Variants in ZNF536 observed in about 807,000 individuals in gnomAD.
The protein encoded by ZNF536 is zinc finger protein 536.
ZNF536 carries 13 observed loss-of-function variants against 84.5 expected under a neutral mutation model. The ratio of observed to expected loss-of-function variants is 0.15; its 90% CI spans 0.10 to 0.24. ZNF536 has a LOEUF of 0.24. Ranked by LOEUF, ZNF536 falls within the 10% of genes least tolerant of loss-of-function variation. The pLI, the probability that ZNF536 is intolerant of heterozygous loss-of-function variation, is 1.00. For synonymous variants in ZNF536, 811 were observed against 742.5 expected (o/e 1.09, Z -1.50); for missense variants, 1,536 against 1,747.5 (o/e 0.88, Z 2.16).
At chr19:30,277,003 A>T (rs538093510) in intron 1 of ZNF536, among the ~76,000 whole-genome samples, 1 of 152,302 alleles carries the variant, frequency 6.6e-6, no homozygotes, top group African/African-American at 2.4e-5. Flanking sequence ...ATGATTAAAA[A>T]TTGATTTTGT....
At chr19:30,308,620 C>T (rs2046409445) in intron 2 of ZNF536, among the ~76,000 whole-genome samples, 1 of 152,020 alleles carries the variant, frequency 6.6e-6, no homozygotes, top group Admixed American at 6.6e-5. Flanking sequence ...TCCTGTAGCC[C>T]ATAGACAGCT....
intron 1 of ZNF536, among the ~76,000 whole-genome samples, chr19:30,608,666 G>A (rs1488601957): frequency 6.6e-6 from 1 of 152,178 alleles, no homozygotes; most frequent in East Asian, 1.9e-4. Flanking sequence ...AAGGAACTGG[G>A]CCCCAGCAGC....
intron 1 of ZNF536, among the ~76,000 whole-genome samples, chr19:30,681,818 C>G (rs1166025042): frequency 2.0e-5 from 3 of 152,186 alleles, no homozygotes; most frequent in Non-Finnish European, 4.4e-5. Flanking sequence ...AGCCCCCCTT[C>G]CCCAATGACA....
At chr19:30,641,449 T>C (rs2049263328) in intron 1 of ZNF536, among the ~76,000 whole-genome samples, 1 of 152,228 alleles carries the variant, frequency 6.6e-6, no homozygotes, top group African/African-American at 2.4e-5. Context: ...ATATGTGTAG[T>C]ATGAAATTTT....
intron 1 of ZNF536, among the ~76,000 whole-genome samples, chr19:30,421,692 G>A (rs1008826762): frequency 6.6e-6 from 1 of 152,072 alleles, no homozygotes; most frequent in African/African-American, 2.4e-5. Context: ...GGAGACCCCC[G>A]TGTAAAACAA....
intron 3 of ZNF536, among the ~76,000 whole-genome samples, chr19:30,363,378 G>C (rs890223997): frequency 2.0e-5 from 3 of 152,126 alleles, no homozygotes; most frequent in Non-Finnish European, 2.9e-5. Context: ...CTGTGGATTC[G>C]CGGGGACCTG....
upstream of ZNF536, among the ~76,000 whole-genome samples, chr19:30,370,971 A>C (rs115676702): frequency 0.013 from 1,972 of 152,302 alleles, 51 homozygotes; most frequent in African/African-American, 0.045. Flanking sequence ...AATCACGTTC[A>C]TTTCAAGAAG....
rs201482419 is a variant in ZNF536, at chr19:30,444,478, G to A, written c.916G>A (p.Asp306Asn). 6.8e-6 allele frequency: 11 copies of A among 1,611,000 alleles called. No homozygotes were observed. In the African/African-American group the frequency reaches 1.2e-4, roughly 18 times the overall value. The change falls in exon 2 of 5, where the codon GAC (aspartate) becomes AAC (asparagine). Residue 306 changes from aspartate (D) to asparagine (N), a missense_variant. Transcript: ENST00000355537. ...CAAGCCCTACAAGTGCACGTTGTGC[G>A]ACTTCGCGGCTTCGCAGGAGGAGGA... ...LHKPYKCTLC[D>N]FAASQEEELI...
chr19:30,635,012 T>C (rs529855748), intron 1 of ZNF536, among the ~76,000 whole-genome samples: 3 of 152,152 alleles, frequency 2.0e-5, no homozygotes, highest in East Asian at 3.9e-4. Flanking sequence ...TTACTGTACA[T>C]AGAAAAAACA....
chr19:30,691,099 T>C (rs1303901332), intron 1 of ZNF536, among the ~76,000 whole-genome samples: 1 of 151,318 alleles, frequency 6.6e-6, no homozygotes, highest in Non-Finnish European at 1.5e-5. Context: ...GGGAGGGAGA[T>C]TTGTTTGCAC....
chr19:30,369,045 C>T (rs114998003), upstream of ZNF536, among the ~76,000 whole-genome samples: 17 of 152,144 alleles, frequency 1.1e-4, no homozygotes, highest in African/African-American at 4.1e-4. Flanking sequence ...GTTACCAACT[C>T]GTCTCCCTCC....
intron 1 of ZNF536, among the ~76,000 whole-genome samples, chr19:30,237,865 A>T (rs1308976814): frequency 6.6e-6 from 1 of 152,096 alleles, no homozygotes; most frequent in Non-Finnish European, 1.5e-5. Flanking sequence ...AAGTTTGTAA[A>T]TGAGGAAGAG....
chr19:30,614,348 T>C (rs2048206096), intron 1 of ZNF536, among the ~76,000 whole-genome samples: 1 of 152,060 alleles, frequency 6.6e-6, no homozygotes, highest in African/African-American at 2.4e-5. Context: ...TATAATTTAC[T>C]TAACCATTAC....
chr19:30,686,687 G>A (rs2051198839), intron 1 of ZNF536, among the ~76,000 whole-genome samples: 1 of 152,164 alleles, frequency 6.6e-6, no homozygotes, highest in African/African-American at 2.4e-5. Flanking sequence ...GCGTCTTCAT[G>A]TCATCCGTCA....
At chr19:30,605,125 C>T (rs2047822938) in intron 1 of ZNF536, among the ~76,000 whole-genome samples, 2 of 152,112 alleles carry the variant, frequency 1.3e-5, no homozygotes, top group Non-Finnish European at 2.9e-5. Context: ...ATGTTCCTGC[C>T]ATTGATGCTG....
intron 4 of ZNF536, among the ~76,000 whole-genome samples, chr19:30,550,645 G>A (rs960689261): frequency 6.6e-6 from 1 of 151,924 alleles, no homozygotes; most frequent in South Asian, 2.1e-4. Context: ...GGGAAGGAAG[G>A]GGGGGAAATA....
At chr19:30,573,859 A>C (rs2046637424) in intron 1 of ZNF536, among the ~76,000 whole-genome samples, 2 of 152,156 alleles carry the variant, frequency 1.3e-5, no homozygotes, top group Non-Finnish European at 2.9e-5. Context: ...CGTGACCAGC[A>C]GGGGTTCAGC....
chr19:30,669,985 C>G (rs533007461), intron 1 of ZNF536, among the ~76,000 whole-genome samples: 1 of 152,250 alleles, frequency 6.6e-6, no homozygotes, highest in Non-Finnish European at 1.5e-5. Context: ...CAGAGTCACA[C>G]AGACTCACGC....
intron 1 of ZNF536, among the ~76,000 whole-genome samples, chr19:30,699,119 T>C (rs750934391): frequency 5.9e-5 from 9 of 152,194 alleles, no homozygotes; most frequent in Non-Finnish European, 1.0e-4. Context: ...GGTTTTTTTT[T>C]AGTACTTTCT....
Sources: allele counts gnomAD v4.1 joint callset (sites outside exome capture counted in the v4.1 genomes callset), GRCh38; gene constraint gnomAD v4.1.1; transcripts MANE v1.5; gene names NCBI Gene and HGNC (gene_info 2026-07-23, HGNC 2026-07-21).